The following NAV2 variants were observed in gnomAD, a reference collection of about 807,000 sequenced individuals.
NAV2 encodes the protein neuron navigator 2, also known as helicase, APC down-regulated 1.
A neutral mutation model predicts 223.2 loss-of-function variants in NAV2; 54 were observed. The observed-to-expected ratio is 0.24, with a 90% CI of 0.19 to 0.30. The LOEUF (loss-of-function observed/expected upper bound fraction) is 0.30, where lower values mean the gene tolerates loss of function less well. NAV2 is among the 10% of genes least tolerant of loss of function. NAV2 has a pLI of 1.00. For missense variants in NAV2, 2,806 were observed against 3,147.5 expected, an observed-to-expected ratio of 0.89 and a Z score of 2.60; for synonymous variants, 1,279 against 1,239.3, an observed-to-expected ratio of 1.03 and a Z score of -0.67.
intron 1 of NAV2, among the ~76,000 whole-genome samples, chr11:19,616,537 A>G (rs2046799577): frequency 6.6e-6 from 1 of 152,088 alleles, no homozygotes; most frequent in Non-Finnish European, 1.5e-5. Flanking sequence ...GGGAATGTTT[A>G]GTCTGGAAGG....
intron 25 of NAV2, chr11:20,082,634 G>A: frequency 1.2e-6 from 2 of 1,606,070 alleles, no homozygotes; most frequent in Non-Finnish European, 8.5e-7. Context: ...CAGATACCAA[G>A]CTAACCCATC....
Position 20,081,973 on chromosome 11 carries a change from G to C in NAV2, c.5326-1034G>C, listed in dbSNP as rs192455658. ...GGTATCCATTTCCTGCAACAGAGGC[G>C]GGGGGGAAAGAATTTTCAGATCCAT... On this transcript the variant is annotated intron_variant, in intron 25 of 37. Transcript: ENST00000349880. Among the ~76,000 whole-genome samples the C allele has an allele frequency of 2.6e-5, 4 of 151,832 alleles. No homozygotes were observed. In the South Asian group the frequency reaches 6.3e-4, roughly 24 times the overall value.
intron 1 of NAV2, among the ~76,000 whole-genome samples, chr11:19,722,154 A>G (rs1216460095): frequency 6.6e-6 from 1 of 152,160 alleles, no homozygotes; most frequent in African/African-American, 2.4e-5. Flanking sequence ...TCTTTCTGGT[A>G]TAGTGTGAAA....
chr11:19,890,114 A>G (rs896290797), intron 5 of NAV2, among the ~76,000 whole-genome samples: 1 of 152,236 alleles, frequency 6.6e-6, no homozygotes, highest in Admixed American at 6.5e-5. Context: ...ATTTACAGCT[A>G]TACCCAATGG....
At chr11:19,378,810 G>A (rs1004196382) in intron 1 of NAV2, among the ~76,000 whole-genome samples, 6 of 152,002 alleles carry the variant, frequency 3.9e-5, no homozygotes, top group East Asian at 1.9e-4. Context: ...AGGATCCGTT[G>A]GGTCCACAAG....
chr11:19,770,186 G>A (rs1349606620), intron 1 of NAV2, among the ~76,000 whole-genome samples: 1 of 152,172 alleles, frequency 6.6e-6, no homozygotes, highest in Non-Finnish European at 1.5e-5. Context: ...ACTTTTAAAA[G>A]TGCTTCAACA....
intron 1 of NAV2, among the ~76,000 whole-genome samples, chr11:19,769,465 C>T (rs1248162534): frequency 6.6e-6 from 1 of 152,176 alleles, no homozygotes; most frequent in African/African-American, 2.4e-5. Flanking sequence ...AGGGTGATTG[C>T]AGATACACTC....
chr11:20,109,727 C>T (rs1433448155), intron 36 of NAV2, among the ~76,000 whole-genome samples: 1 of 152,220 alleles, frequency 6.6e-6, no homozygotes, highest in Non-Finnish European at 1.5e-5. Context: ...TCCACCTCAC[C>T]TTCTCCCATT....
chr11:19,649,757 C>T (rs992540322), intron 1 of NAV2, among the ~76,000 whole-genome samples: 3 of 151,568 alleles, frequency 2.0e-5, no homozygotes, highest in Admixed American at 6.6e-5. Flanking sequence ...AATAAGAAAA[C>T]AATCAATGCA....
intron 1 of NAV2, among the ~76,000 whole-genome samples, chr11:19,658,939 T>C (rs1490121414): frequency 6.6e-6 from 1 of 152,122 alleles, no homozygotes; most frequent in African/African-American, 2.4e-5. Flanking sequence ...TCTCCACTAG[T>C]CCTGGGGAAA....
chr11:19,532,089 G>A (rs80324151), intron 1 of NAV2, among the ~76,000 whole-genome samples: 2,668 of 152,316 alleles, frequency 0.018, 59 homozygotes, highest in African/African-American at 0.061. Context: ...AAGTATAAAG[G>A]ACTGAGCACT....
chr11:19,975,492 A>C (rs2049638111), intron 10 of NAV2, among the ~76,000 whole-genome samples: 1 of 152,212 alleles, frequency 6.6e-6, no homozygotes, highest in African/African-American at 2.4e-5. Flanking sequence ...TCTGGAAATT[A>C]GTATTAGATG....
intron 1 of NAV2, among the ~76,000 whole-genome samples, chr11:19,515,229 C>G (rs1176385770): frequency 6.6e-6 from 1 of 152,160 alleles, no homozygotes; most frequent in African/African-American, 2.4e-5. Context: ...GTCTGGTACA[C>G]AGGAGTAAAT....
chr11:19,567,999 A>G (rs1179928082), intron 1 of NAV2, among the ~76,000 whole-genome samples: 1 of 152,022 alleles, frequency 6.6e-6, no homozygotes, highest in African/African-American at 2.4e-5. Flanking sequence ...CTGGCTGTGC[A>G]CTCTCTGAGG....
At chr11:20,022,767 T>C (rs1175634678) in intron 11 of NAV2, 16 of 1,125,616 alleles carry the variant, frequency 1.4e-5, no homozygotes, top group Non-Finnish European at 1.6e-5. Flanking sequence ...TGGGACCACA[T>C]GGAGGGCCCT....
At chr11:19,593,042 T>C (rs541044421) in intron 1 of NAV2, among the ~76,000 whole-genome samples, 4 of 152,196 alleles carry the variant, frequency 2.6e-5, no homozygotes, top group African/African-American at 2.4e-5. Context: ...TTGTGTAAAA[T>C]TGTGAGAATC....
chr11:19,888,306 G>T (rs75280428), intron 5 of NAV2, among the ~76,000 whole-genome samples: 2,360 of 152,230 alleles, frequency 0.016, 60 homozygotes, highest in African/African-American at 0.053. Flanking sequence ...GACCTGCCAC[G>T]CTCCCCTCTC....
intron 3 of NAV2, among the ~76,000 whole-genome samples, chr11:19,853,059 C>T (rs2061234232): frequency 6.6e-6 from 1 of 152,120 alleles, no homozygotes. Flanking sequence ...GTAAAGCCTC[C>T]AATAGCCGTG....
rs552326968 is a variant in NAV2 at position 19,641,506 on chromosome 11, G to A, written c.76-190978G>A. On this transcript the variant is annotated intron_variant, in intron 1 of 37. Transcript: ENST00000360655. ...CAATGAGTTGAAACCCTTGGAAGAAGGGCAAATTCCTCACTGTGACCTGCC... is the reference window on the plus strand; with the variant it reads ...CAATGAGTTGAAACCCTTGGAAGAAAGGCAAATTCCTCACTGTGACCTGCC... 2.0e-5 allele frequency among the ~76,000 whole-genome samples: 3 copies of A among 152,074 alleles called. No individual in the cohort carries two copies. The South Asian group carries it at 6.3e-4, about 32-fold the overall frequency.
Sources: gnomAD v4.1 joint callset for allele counts (sites outside exome capture counted in the v4.1 genomes callset) on GRCh38, gnomAD v4.1.1 for gene constraint, MANE v1.5 for transcripts, NCBI Gene and HGNC (gene_info 2026-07-23, HGNC 2026-07-21) for gene names.